PLXDC2: variants seen among roughly 807,000 people sequenced by gnomAD.
The protein encoded by PLXDC2 is plexin domain containing 2, also known as plexin domain-containing protein 2.
In PLXDC2, 40 loss-of-function variants were observed where a neutral mutation model predicts 68.9. That is an observed-to-expected ratio of 0.58 (90% confidence interval 0.45 to 0.76). PLXDC2 has a LOEUF of 0.76. Among genes scored for constraint, PLXDC2 ranks in the 30% least tolerant of loss-of-function variants. The pLI is 0.00. For synonymous variants in PLXDC2, 243 were observed against 234.2 expected (o/e 1.04, Z -0.34); for missense variants, 644 against 661.9 (o/e 0.97, Z 0.30).
intron 2 of PLXDC2, among the ~76,000 whole-genome samples, chr10:20,040,292 A>G (rs755070173): frequency 3.3e-5 from 5 of 152,064 alleles, no homozygotes; most frequent in Admixed American, 6.6e-5. Context: ...CCACGTCTGG[A>G]CAGATTTTCG....
chr10:20,172,300 A>T (rs903439248), intron 7 of PLXDC2, among the ~76,000 whole-genome samples: 1 of 149,572 alleles, frequency 6.7e-6, no homozygotes, highest in African/African-American at 2.5e-5. Context: ...CCTTCTTCCC[A>T]TAAGTCTCAG....
At chr10:20,149,172 C>T (rs1006853263) in intron 6 of PLXDC2, among the ~76,000 whole-genome samples, 22 of 149,600 alleles carry the variant, frequency 1.5e-4, no homozygotes, top group African/African-American at 5.4e-4. Context: ...ATTATTTTCT[C>T]GCCCAGGTAC....
At chr10:20,231,199 A>G (rs1403813383) in intron 12 of PLXDC2, among the ~76,000 whole-genome samples, 7 of 150,914 alleles carry the variant, frequency 4.6e-5, no homozygotes, top group Non-Finnish European at 1.0e-4. Context: ...ATATCTACAA[A>G]ATCCTCAAAT....
intron 1 of PLXDC2, among the ~76,000 whole-genome samples, chr10:19,869,353 G>A (rs1296424541): frequency 2.0e-5 from 3 of 151,660 alleles, no homozygotes; most frequent in Non-Finnish European, 4.4e-5. Flanking sequence ...GAGCCTGGGA[G>A]GCAGAGGTTG....
chr10:20,145,766 G>A (rs1361647497), intron 5 of PLXDC2, among the ~76,000 whole-genome samples: 1 of 151,952 alleles, frequency 6.6e-6, no homozygotes, highest in Non-Finnish European at 1.5e-5. Context: ...TGTTAGCCAG[G>A]ATGGTCTGGA....
At chr10:20,251,181 A>C (rs1363272518) in intron 13 of PLXDC2, among the ~76,000 whole-genome samples, 1 of 152,236 alleles carries the variant, frequency 6.6e-6, no homozygotes, top group South Asian at 2.1e-4. Flanking sequence ...ATATTGCTCC[A>C]TCATTCTCAG....
At chr10:19,847,171 A>G (rs1470322983) in intron 1 of PLXDC2, among the ~76,000 whole-genome samples, 3 of 152,144 alleles carry the variant, frequency 2.0e-5, no homozygotes, top group African/African-American at 7.2e-5. Flanking sequence ...TTTATTGGTC[A>G]TTGTGTTCTA....
At chr10:19,948,928 G>A (rs1320254303) in intron 1 of PLXDC2, among the ~76,000 whole-genome samples, 4 of 151,802 alleles carry the variant, frequency 2.6e-5, no homozygotes, top group East Asian at 1.9e-4. Context: ...TCAAGCGATC[G>A]AGATCGTCCT....
At chr10:20,036,148 G>T (rs902034110) in intron 2 of PLXDC2, among the ~76,000 whole-genome samples, 1 of 152,076 alleles carries the variant, frequency 6.6e-6, no homozygotes, top group Non-Finnish European at 1.5e-5. Context: ...GACTAACGTT[G>T]TACCCCCCGC....
intron 3 of PLXDC2, 101 bp downstream of exon 3, chr10:20,047,116 T>C: frequency 8.1e-7 from 1 of 1,229,388 alleles, no homozygotes; most frequent in Non-Finnish European, 1.1e-6. Flanking sequence ...TAATTAAATA[T>C]TAGAATGGCC....
chr10:20,190,484 T>C (rs996505661), intron 9 of PLXDC2, among the ~76,000 whole-genome samples: 2 of 151,908 alleles, frequency 1.3e-5, no homozygotes, highest in Non-Finnish European at 2.9e-5. Flanking sequence ...CATTAGGAGA[T>C]ATACCTAATG....
intron 13 of PLXDC2, 21 bp downstream of exon 13, chr10:20,245,526 A>T: frequency 6.2e-7 from 1 of 1,602,384 alleles, no homozygotes; most frequent in Non-Finnish European, 8.5e-7. Flanking sequence ...AGTTTAACAC[A>T]TGAAAACCAC....
chr10:20,246,966 G>A (rs1032172977), intron 13 of PLXDC2, among the ~76,000 whole-genome samples: 1 of 152,102 alleles, frequency 6.6e-6, no homozygotes, highest in African/African-American at 2.4e-5. Flanking sequence ...ACAACTGTCT[G>A]TAGAAGAAAG....
intron 12 of PLXDC2, among the ~76,000 whole-genome samples, chr10:20,235,843 A>G (rs1835425236): frequency 3.3e-5 from 5 of 152,242 alleles, no homozygotes; most frequent in Admixed American, 2.6e-4. Context: ...TGAAATTGAT[A>G]GAATAAATGG....
intron 1 of PLXDC2, among the ~76,000 whole-genome samples, chr10:19,934,820 A>G (rs1327997869): frequency 4.6e-5 from 7 of 152,172 alleles, no homozygotes; most frequent in Non-Finnish European, 1.5e-5. Flanking sequence ...ATCTATAATG[A>G]TAGGGTCTTC....
At chr10:19,871,065 C>T (rs1227531310) in intron 1 of PLXDC2, among the ~76,000 whole-genome samples, 3 of 152,192 alleles carry the variant, frequency 2.0e-5, no homozygotes, top group Non-Finnish European at 4.4e-5. Context: ...AATGCTTTCT[C>T]ATCACAAGGG....
intron 9 of PLXDC2, among the ~76,000 whole-genome samples, chr10:20,203,250 AC>A (rs1200252655): frequency 6.6e-6 from 1 of 151,862 alleles, no homozygotes; most frequent in Non-Finnish European, 1.5e-5. Flanking sequence ...TAATGGAAAT[AC>A]CTTTTTTGCC....
intron 4 of PLXDC2, among the ~76,000 whole-genome samples, chr10:20,131,584 G>C (rs1171870224): frequency 6.6e-6 from 1 of 152,032 alleles, no homozygotes; most frequent in Admixed American, 6.6e-5. Flanking sequence ...ATTTTTAATA[G>C]AGACAGGGTT....
chr10:20,156,976 A>G (rs1181423149), intron 6 of PLXDC2, among the ~76,000 whole-genome samples: 2 of 152,130 alleles, frequency 1.3e-5, no homozygotes, highest in East Asian at 1.9e-4. Flanking sequence ...CTGGAGTGCA[A>G]TGGCACTATC....
Sources: gnomAD v4.1 joint callset for allele counts (sites outside exome capture counted in the v4.1 genomes callset) on GRCh38, gnomAD v4.1.1 for gene constraint, MANE v1.5 for transcripts, NCBI Gene and HGNC (gene_info 2026-07-23, HGNC 2026-07-21) for gene names.